The following DLG2 variants were observed in gnomAD, a reference collection of about 807,000 sequenced individuals.
DLG2 encodes discs large MAGUK scaffold protein 2.
DLG2 carries 45 observed loss-of-function variants against 132.5 expected under a neutral mutation model. The ratio of observed to expected loss-of-function variants is 0.34; its 90% CI spans 0.27 to 0.44. The LOEUF (loss-of-function observed/expected upper bound fraction) is 0.44. Ranked by LOEUF, DLG2 falls within the 20% of genes least tolerant of loss-of-function variation. The pLI, the probability that DLG2 is intolerant of heterozygous loss-of-function variation, is 1.00. For synonymous variants in DLG2, 424 were observed against 419.6 expected, an observed-to-expected ratio of 1.01 and a Z score of -0.13; for missense variants, 1,045 against 1,196.9, an observed-to-expected ratio of 0.87 and a Z score of 1.87.
intron 7 of DLG2, among the ~76,000 whole-genome samples, chr11:84,263,756 C>T (rs890967742): frequency 6.6e-6 from 1 of 152,042 alleles, no homozygotes; most frequent in African/African-American, 2.4e-5. Context: ...TACAGAAAGT[C>T]TTAAAATATT....
intron 4 of DLG2, among the ~76,000 whole-genome samples, chr11:85,267,189 G>A (rs2077266553): frequency 6.6e-6 from 1 of 152,192 alleles, no homozygotes. Context: ...AAAGACATGA[G>A]AGGACTTACT....
At chr11:84,635,023 A>ACAACAGGG (rs2099638322) in intron 6 of DLG2, among the ~76,000 whole-genome samples, 2 of 152,258 alleles carry the variant, frequency 1.3e-5, no homozygotes, top group African/African-American at 4.8e-5. Context: ...GGAGAGGATG[A>ACAACAGGG]CAACAGGGGC....
chr11:85,039,239 T>C (rs1312404304), intron 6 of DLG2, among the ~76,000 whole-genome samples: 3 of 109,782 alleles, frequency 2.7e-5, no homozygotes, highest in Non-Finnish European at 5.7e-5. Context: ...CCTCCAACTT[T>C]AGAGACATTC....
chr11:83,589,547 T>G (rs1188212138), intron 19 of DLG2, among the ~76,000 whole-genome samples: 31 of 151,292 alleles, frequency 2.0e-4, no homozygotes, highest in Non-Finnish European at 4.1e-4. Context: ...TGCCAAAATG[T>G]AAAGACCATC....
rs760094331 is a variant in DLG2, at chr11:84,331,577, A to AC, written c.520-80287_520-80286insG. ...GATGGAGGAGGTGGGTCGGCAGGGGAGGTGGGCAGTGGGAGAGGTGGGGCG... is the reference window on the plus strand; with the variant it reads ...GATGGAGGAGGTGGGTCGGCAGGGGACGGTGGGCAGTGGGAGAGGTGGGGCG... On this transcript the variant is annotated intron_variant, in intron 7 of 27. Transcript: ENST00000376104. Among the ~76,000 whole-genome samples the AC allele has an allele frequency of 2.0e-4, 13 of 64,962 alleles. No individual in the cohort carries two copies. In the Admixed American group the frequency reaches 2.9e-3, roughly 14 times the overall value. The allele number at this position is 64,962 out of a possible 152,430, so 42.6% of individuals were successfully genotyped here.
chr11:84,666,738 TCA>T (rs2099700155), intron 6 of DLG2, among the ~76,000 whole-genome samples: 1 of 152,034 alleles, frequency 6.6e-6, no homozygotes, highest in South Asian at 2.1e-4. Context: ...TTAAATAAAA[TCA>T]CACACTCAGA....
chr11:84,918,402 C>T (rs186543668), intron 6 of DLG2, among the ~76,000 whole-genome samples: 8 of 152,044 alleles, frequency 5.3e-5, no homozygotes, highest in Non-Finnish European at 1.2e-4. Context: ...TCCAGTTCTT[C>T]GAAGATAGAT....
At chr11:84,396,809 A>C (rs1350172861) in intron 7 of DLG2, among the ~76,000 whole-genome samples, 1 of 152,142 alleles carries the variant, frequency 6.6e-6, no homozygotes, top group Admixed American at 6.5e-5. Context: ...AAAATGGAAA[A>C]TCTGTAAAGT....
intron 6 of DLG2, among the ~76,000 whole-genome samples, chr11:84,732,410 C>A (rs2063267392): frequency 6.6e-6 from 1 of 151,994 alleles, no homozygotes; most frequent in Admixed American, 6.6e-5. Flanking sequence ...AGATCCTTCA[C>A]ATCTTCACCA....
chr11:84,018,657 AT>A (rs554123759), intron 11 of DLG2, among the ~76,000 whole-genome samples: 17 of 151,068 alleles, frequency 1.1e-4, no homozygotes, highest in East Asian at 3.9e-4. Flanking sequence ...TCCAGCTGCC[AT>A]TTTTTTTTCT....
Position 85,349,363 on chromosome 11 carries a change from T to A in DLG2, c.41-63998A>T, listed in dbSNP as rs1240361269. On this transcript the variant is annotated intron_variant, in intron 3 of 27. Coordinates refer to ENST00000376104, the MANE Select transcript of DLG2 (RefSeq NM_001142699.3). The stretch of plus-strand genomic sequence containing the variant: ...CTATCCACTACCTGTTACCTCATTA[T>A]TTATAGCTGAAAAGAAAACTAAAGA... Among the ~76,000 whole-genome samples, 5 of 152,100 alleles carry A rather than the reference T, an allele frequency of 3.3e-5. No homozygotes were observed. In the East Asian group the frequency reaches 9.6e-4, roughly 29 times the overall value.
intron 9 of DLG2, among the ~76,000 whole-genome samples, chr11:84,144,078 T>G (rs1022264175): frequency 5.9e-5 from 9 of 152,054 alleles, no homozygotes; most frequent in African/African-American, 2.2e-4. Context: ...GTCTAAGAAG[T>G]TGGGGCCCTA....
intron 15 of DLG2, among the ~76,000 whole-genome samples, chr11:83,907,623 A>G (rs1029399703): frequency 2.0e-5 from 3 of 152,190 alleles, no homozygotes; most frequent in African/African-American, 7.2e-5. Context: ...CATGTATGTA[A>G]CAGGTTTATC....
intron 6 of DLG2, among the ~76,000 whole-genome samples, chr11:84,956,913 T>C (rs1382022870): frequency 1.3e-5 from 2 of 152,168 alleles, no homozygotes; most frequent in African/African-American, 2.4e-5. Flanking sequence ...ATCTATAAAA[T>C]CAGTTGCATT....
At chr11:83,733,900 T>A (rs2153704453) in intron 18 of DLG2, among the ~76,000 whole-genome samples, 1 of 152,280 alleles carries the variant, frequency 6.6e-6, no homozygotes, top group Non-Finnish European at 1.5e-5. Context: ...TTAAGTAATT[T>A]CTCATTCCTC....
At chr11:84,808,205 A>G (rs1035960890) in intron 6 of DLG2, among the ~76,000 whole-genome samples, 3 of 152,104 alleles carry the variant, frequency 2.0e-5, no homozygotes, top group African/African-American at 7.2e-5. Flanking sequence ...AAGTGCTTGG[A>G]AACTAAAAAC....
chr11:84,513,170 T>C (rs946877714), intron 7 of DLG2, among the ~76,000 whole-genome samples: 1 of 150,912 alleles, frequency 6.6e-6, no homozygotes, highest in Non-Finnish European at 1.5e-5. Context: ...ATAAATAAAT[T>C]AAAAGAAATT....
chr11:85,282,094 T>G (rs780502192), intron 4 of DLG2, among the ~76,000 whole-genome samples: 12 of 151,942 alleles, frequency 7.9e-5, no homozygotes, highest in African/African-American at 1.2e-4. Flanking sequence ...GGACATTATG[T>G]TAAGTGAGAT....
At chr11:85,334,637 T>C (rs1430410419) in intron 3 of DLG2, among the ~76,000 whole-genome samples, 1 of 152,186 alleles carries the variant, frequency 6.6e-6, no homozygotes, top group African/African-American at 2.4e-5. Flanking sequence ...TTTTTTTCAT[T>C]GGTTCTAAAG....
Sources: gnomAD v4.1 joint callset for allele counts (sites outside exome capture counted in the v4.1 genomes callset) on GRCh38, gnomAD v4.1.1 for gene constraint, MANE v1.5 for transcripts, NCBI Gene and HGNC (gene_info 2026-07-23, HGNC 2026-07-21) for gene names.